Variants in BTBD9 observed in about 807,000 individuals in gnomAD.
The protein encoded by BTBD9 is BTB/POZ domain-containing protein 9.
BTBD9 carries 49 observed loss-of-function variants against 64.3 expected under a neutral mutation model. That is an observed-to-expected ratio of 0.76 (90% CI 0.61 to 0.97). The LOEUF (loss-of-function observed/expected upper bound fraction) is 0.97, where lower values mean the gene tolerates loss of function less well. Ranked by LOEUF, BTBD9 falls within the 50% of genes least tolerant of loss-of-function variation. The pLI is 0.00. For missense variants in BTBD9, 598 were observed against 762.1 expected, an observed-to-expected ratio of 0.78 and a Z score of 2.53; for synonymous variants, 260 against 274.7, an observed-to-expected ratio of 0.95 and a Z score of 0.53.
rs59654695 is a variant in BTBD9, at chr6:38,257,279, T to C, written c.1455-763A>G. On this transcript the variant is annotated intron_variant, in intron 8 of 10. Coordinates refer to ENST00000481247, the MANE Select transcript of BTBD9 (RefSeq NM_001099272.2). ...ACTGCAGGGATATGATCATAGCTCATTGCAGCCTCCAACTCCTGGGCTCAA... is the reference window on the plus strand; with the variant it reads ...ACTGCAGGGATATGATCATAGCTCACTGCAGCCTCCAACTCCTGGGCTCAA... 6.4e-3 allele frequency among the ~76,000 whole-genome samples: 960 copies of C among 149,602 alleles called. 7 individuals carry two copies. Among genetic ancestry groups the C allele is most frequent in the African/African-American group, 0.022 (884 of 40,680 alleles).
chr6:38,419,914 T>C (rs1308555939), intron 6 of BTBD9, among the ~76,000 whole-genome samples: 2 of 152,100 alleles, frequency 1.3e-5, no homozygotes, highest in Non-Finnish European at 2.9e-5. Context: ...TTTAACATTT[T>C]TTATGGTATT....
chr6:38,205,892 G>GAAAAAAAAAAAAAAAAAAAAAAAAAAAA (rs1762628139), intron 9 of BTBD9, among the ~76,000 whole-genome samples: 1 of 94,062 alleles, frequency 1.1e-5, no homozygotes, highest in Non-Finnish European at 2.0e-5. Flanking sequence ...AAAAAAAAAA[G>GAAAAAAAAAAAAAAAAAAAAAAAAAAAA]AAAGAAAGAA....
rs191242704 is a variant in BTBD9, at chr6:38,440,849, C to T, written c.1155-95756G>A. Among the ~76,000 whole-genome samples the T allele has an allele frequency of 1.2e-3, 176 of 152,204 alleles. No homozygotes were observed. The Middle Eastern group carries it at 0.014, about 12-fold the overall frequency. On this transcript the variant is annotated intron_variant, in intron 6 of 10. Transcript: ENST00000481247. ...TAATGAGCTATAGTAGATATAACAC[C>T]GGTCAGGGAGCCAGGAGATTTGGGT...
chr6:38,405,116 T>C (rs1767107191), intron 6 of BTBD9, among the ~76,000 whole-genome samples: 1 of 152,228 alleles, frequency 6.6e-6, no homozygotes, highest in Non-Finnish European at 1.5e-5. Context: ...TGGTTGTAGC[T>C]TTGAGTTGTG....
At chr6:38,234,251 G>A (rs992763997) in intron 9 of BTBD9, among the ~76,000 whole-genome samples, 2 of 152,150 alleles carry the variant, frequency 1.3e-5, no homozygotes, top group African/African-American at 4.8e-5. Context: ...GGAAGCTCAA[G>A]GTGTTTAATA....
At chr6:38,382,460 T>C (rs1765975811) in intron 6 of BTBD9, among the ~76,000 whole-genome samples, 1 of 147,642 alleles carries the variant, frequency 6.8e-6, no homozygotes, top group African/African-American at 2.5e-5. Flanking sequence ...GAGGCTGCAG[T>C]GAGCTGAGAT....
chr6:38,502,344 G>GTA (rs1413493897), intron 6 of BTBD9, among the ~76,000 whole-genome samples: 1 of 152,126 alleles, frequency 6.6e-6, no homozygotes, highest in Admixed American at 6.5e-5. Flanking sequence ...TTTCCATGGT[G>GTA]TATTCTCTTC....
intron 6 of BTBD9, among the ~76,000 whole-genome samples, chr6:38,575,864 C>T (rs1042725376): frequency 1.3e-5 from 2 of 151,718 alleles, no homozygotes; most frequent in South Asian, 2.1e-4. Context: ...TCTCTAAACA[C>T]GTAACAGCTC....
intron 6 of BTBD9, among the ~76,000 whole-genome samples, chr6:38,416,071 T>A (rs1370493251): frequency 3.3e-5 from 5 of 152,102 alleles, no homozygotes; most frequent in Non-Finnish European, 7.4e-5. Context: ...AAAATTACAC[T>A]TAACAGAATT....
At chr6:38,627,640 G>C (rs1778217718) in intron 1 of BTBD9, among the ~76,000 whole-genome samples, 1 of 152,148 alleles carries the variant, frequency 6.6e-6, no homozygotes, top group South Asian at 2.1e-4. Flanking sequence ...CTGGATGTCT[G>C]TGGGGTCAGG....
At chr6:38,204,270 A>G (rs1279736300) in intron 9 of BTBD9, among the ~76,000 whole-genome samples, 1 of 129,404 alleles carries the variant, frequency 7.7e-6, no homozygotes, top group African/African-American at 2.6e-5. Flanking sequence ...AAACTTGTTC[A>G]TGAATCTTCA....
intron 1 of BTBD9, among the ~76,000 whole-genome samples, chr6:38,620,200 T>G (rs1219001788): frequency 6.6e-6 from 1 of 152,134 alleles, no homozygotes; most frequent in Non-Finnish European, 1.5e-5. Context: ...AACCAAAAGG[T>G]CAGTGGAGAC....
chr6:38,304,857 G>A (rs1033396812), intron 7 of BTBD9, among the ~76,000 whole-genome samples: 3 of 152,140 alleles, frequency 2.0e-5, no homozygotes, highest in Non-Finnish European at 4.4e-5. Context: ...TTTACCTTCT[G>A]TAAATCACCA....
chr6:38,372,415 T>C (rs1582313318), intron 6 of BTBD9, among the ~76,000 whole-genome samples: 1 of 152,104 alleles, frequency 6.6e-6, no homozygotes, highest in Non-Finnish European at 1.5e-5. Context: ...AGTGGGTTGG[T>C]ATGGACTGAC....
intron 10 of BTBD9, among the ~76,000 whole-genome samples, chr6:38,182,916 TC>T (rs1458863676): frequency 1.9e-5 from 2 of 106,266 alleles, no homozygotes; most frequent in Non-Finnish European, 4.9e-5. Context: ...GCTTTTCCTC[TC>T]TTTTTTTCCA....
chr6:38,350,931 C>T (rs2179532), intron 6 of BTBD9, among the ~76,000 whole-genome samples: 3 of 152,078 alleles, frequency 2.0e-5, no homozygotes, highest in African/African-American at 4.8e-5. Context: ...CCAAGAAGCA[C>T]GTAATGCCTG....
intron 6 of BTBD9, among the ~76,000 whole-genome samples, chr6:38,416,106 AC>A (rs1767653795): frequency 6.6e-6 from 1 of 152,202 alleles, no homozygotes; most frequent in South Asian, 2.1e-4. Context: ...ACTCTATGAG[AC>A]TGGAGAAAAA....
chr6:38,376,852 C>A (rs549771253), intron 6 of BTBD9, among the ~76,000 whole-genome samples: 1 of 152,304 alleles, frequency 6.6e-6, no homozygotes, highest in African/African-American at 2.4e-5. Context: ...GTACCTTCAA[C>A]AGACTGGATA....
intron 9 of BTBD9, among the ~76,000 whole-genome samples, chr6:38,242,086 A>G (rs1251694983): frequency 1.3e-5 from 2 of 152,214 alleles, no homozygotes; most frequent in Non-Finnish European, 2.9e-5. Context: ...GGAATCATAT[A>G]AAAATAAAGG....
Sources: gnomAD v4.1 joint callset for allele counts (sites outside exome capture counted in the v4.1 genomes callset) on GRCh38, gnomAD v4.1.1 for gene constraint, MANE v1.5 for transcripts, NCBI Gene and HGNC (gene_info 2026-07-23, HGNC 2026-07-21) for gene names.